BHMT: variants seen among roughly 807,000 people sequenced by gnomAD.
The protein encoded by BHMT is betaine--homocysteine S-methyltransferase.
BHMT carries 38 observed loss-of-function variants against 49.5 expected under a neutral mutation model. The ratio of observed to expected loss-of-function variants is 0.77; its 90% CI spans 0.59 to 1.01. The LOEUF is 1.01. BHMT is among the 50% of genes least tolerant of loss of function. The probability of loss-of-function intolerance (pLI) is 0.00; values close to 1 mark genes in which losing one functional copy is unlikely to be tolerated. For synonymous variants in BHMT, 166 were observed against 176.3 expected, an observed-to-expected ratio of 0.94 and a Z score of 0.46; for missense variants, 426 against 495.7, an observed-to-expected ratio of 0.86 and a Z score of 1.34.
intron 5 of BHMT, among the ~76,000 whole-genome samples, chr5:79,124,336 G>A (rs1756516240): frequency 6.6e-6 from 1 of 152,028 alleles, no homozygotes; most frequent in South Asian, 2.1e-4. Flanking sequence ...ATCGCTTGAG[G>A]CCAGAAGTTC....
Position 79,115,727 on chromosome 5 carries a change from A to C in BHMT, c.34-40A>C, listed in dbSNP as rs1263610093. 4 of 1,529,996 alleles carry C rather than the reference A, an allele frequency of 2.6e-6. No individual in the cohort carries two copies. In the African/African-American group the frequency reaches 5.6e-5, roughly 21 times the overall value. The allele number at this position is 1,529,996 out of a possible 1,614,324, so 94.8% of individuals were successfully genotyped here. A position where few individuals can be genotyped will look rare whatever the true frequency, so the allele number is the denominator to read the frequency against. ...ATAAAAATAGAAAATTATCTTAAAC[A>C]CTCAAGTAACTCCTTTTCCTCCCTC... On this transcript the variant is annotated intron_variant, in intron 1 of 7. Coordinates refer to ENST00000274353, the MANE Select transcript of BHMT (RefSeq NM_001713.3).
Position 79,131,035 on chromosome 5 carries a change from C to T in BHMT, c.1140C>T (p.Ala380=), listed in dbSNP as rs201314996. ...GCTGGGGAGTGACCAAAGGAACAGC[C>T]GAGCTGATGCAGCAGAAAGAAGCCA... ...PDGWGVTKGT[A]ELMQQKEATT... is the part of the protein sequence containing the mutation. The change falls in exon 8 of 8, where the codon GCC becomes GCT. Residue 380 remains alanine (A), a synonymous_variant. Coordinates refer to ENST00000274353, the MANE Select transcript of BHMT (RefSeq NM_001713.3). 1.6e-5 allele frequency: 26 copies of T among 1,613,674 alleles called. No individual in the cohort carries two copies. The highest frequency in any genetic ancestry group is 4.0e-5 in the African/African-American group (3 of 74,814).
At position 79,111,814 on chromosome 5, in the gene BHMT, G is replaced by A. The variant is rs375813959; in HGVS notation, c.-72G>A. 4.6e-4 allele frequency: 732 copies of A among 1,593,932 alleles called. No individual in the cohort carries two copies. Among genetic ancestry groups the A allele is most frequent in the Non-Finnish European group, 5.9e-4 (687 of 1,168,892 alleles). ...GCAGGCTGCGGACTCGGAGCAGCTCGGGGCTGCGCAGCGGGAAGGCTCGCC... is the reference window on the plus strand; with the variant it reads ...GCAGGCTGCGGACTCGGAGCAGCTCAGGGCTGCGCAGCGGGAAGGCTCGCC... On this transcript the variant is annotated 5_prime_UTR_variant, in exon 1 of 8. Coordinates refer to ENST00000274353, the MANE Select transcript of BHMT (RefSeq NM_001713.3).
At chr5:79,122,262 G>A (rs1756484425) in intron 5 of BHMT, among the ~76,000 whole-genome samples, 2 of 152,138 alleles carry the variant, frequency 1.3e-5, no homozygotes, top group African/African-American at 4.8e-5. Flanking sequence ...TCTTTACTGT[G>A]GAACTTATCA....
intron 5 of BHMT, among the ~76,000 whole-genome samples, chr5:79,125,317 G>A (rs754472976): frequency 2.0e-5 from 3 of 151,930 alleles, no homozygotes; most frequent in East Asian, 1.9e-4. Flanking sequence ...TTAGCCTGTC[G>A]TGGTGGTGTG....
rs115888473 is a variant in BHMT at position 79,114,992 on chromosome 5, G to A, written c.34-775G>A. Among the ~76,000 whole-genome samples the A allele has an allele frequency of 3.0e-3, 457 of 152,274 alleles. 1 individual carries two copies. Among genetic ancestry groups the A allele is most frequent in the African/African-American group, 0.011 (437 of 41,538 alleles). On this transcript the variant is annotated intron_variant, in intron 1 of 7. Transcript: ENST00000274353. ...TAAATGGAATAAGTATGGAGATTGG[G>A]CTGAAAAATCATTCAACAAATACTT...
chr5:79,115,242 A>G (rs1756368164), intron 1 of BHMT, among the ~76,000 whole-genome samples: 1 of 151,640 alleles, frequency 6.6e-6, no homozygotes. Flanking sequence ...GTGAGACTGG[A>G]GGATCTTCTG....
intron 4 of BHMT, 132 bp downstream of exon 4, chr5:79,120,673 G>A (rs1238769964): frequency 7.9e-6 from 7 of 889,898 alleles, no homozygotes; most frequent in African/African-American, 7.0e-5. Flanking sequence ...TTTTGAAATC[G>A]TTTTCCAATT....
chr5:79,120,267 A>G, intron 3 of BHMT, 83 bp from the exon 4 acceptor site: 1 of 1,282,666 alleles, frequency 7.8e-7, no homozygotes, highest in Admixed American at 2.8e-5. Flanking sequence ...GTAAATATAC[A>G]ACTAAGATGT....
At chr5:79,119,672 A>T (rs991848039) in intron 3 of BHMT, 4 of 242,546 alleles carry the variant, frequency 1.6e-5, no homozygotes, top group Admixed American at 1.5e-4. Flanking sequence ...TTTCGTCCTT[A>T]ATGTTTTTAA....
intron 5 of BHMT, among the ~76,000 whole-genome samples, chr5:79,123,594 C>T (rs934943428): frequency 6.6e-6 from 1 of 152,108 alleles, no homozygotes; most frequent in Non-Finnish European, 1.5e-5. Flanking sequence ...CTCTGTTGCC[C>T]AGGCTGGAGT....
At chr5:79,126,533 G>T (rs1481943941) in intron 6 of BHMT, among the ~76,000 whole-genome samples, 1 of 152,124 alleles carries the variant, frequency 6.6e-6, no homozygotes, top group Non-Finnish European at 1.5e-5. Context: ...CCCTTCATGG[G>T]AGAATCAACA....
intron 7 of BHMT, among the ~76,000 whole-genome samples, chr5:79,128,380 A>AAG (rs398109070): frequency 3.3e-5 from 5 of 150,994 alleles, no homozygotes; most frequent in Non-Finnish European, 5.9e-5. Context: ...AAAAAAAAAA[A>AAG]TTAGCTGGGC....
intron 7 of BHMT, among the ~76,000 whole-genome samples, chr5:79,130,695 ATTGT>A (rs1756622206): frequency 7.1e-6 from 1 of 140,742 alleles, no homozygotes; most frequent in South Asian, 2.3e-4. Flanking sequence ...TAAGCAAATG[ATTGT>A]TTATCAGTAG....
At chr5:79,125,542 C>A (rs954623295) in intron 5 of BHMT, among the ~76,000 whole-genome samples, 14 of 151,300 alleles carry the variant, frequency 9.3e-5, no homozygotes, top group Non-Finnish European at 1.8e-4. Flanking sequence ...AAAGCACTTT[C>A]ACAGAAAGCA....
intron 5 of BHMT, among the ~76,000 whole-genome samples, chr5:79,125,477 A>AAAG (rs1756539162): frequency 6.6e-6 from 1 of 150,986 alleles, no homozygotes; most frequent in African/African-American, 2.4e-5. Context: ...AAAAAAAAAA[A>AAAG]AGAGATGGAC....
rs770283837 is a variant in BHMT at position 79,131,156 on chromosome 5, G to C, written c.*40G>C. 6.4e-7 allele frequency: 1 copy of C among 1,571,278 alleles called. No individual in the cohort carries two copies. Among genetic ancestry groups the C allele is most frequent in the South Asian group, 1.2e-5 (1 of 84,494 alleles). On this transcript the variant is annotated 3_prime_UTR_variant, in exon 8 of 8. Transcript: ENST00000274353. The stretch of plus-strand genomic sequence containing the variant: ...ATTTTTGATGAATTTCTAGGTGTTT[G>C]GGTCACAGTTCCTACAAATACGGAA...
intron 3 of BHMT, 70 bp downstream of exon 3, chr5:79,119,447 G>C: frequency 7.9e-7 from 1 of 1,260,050 alleles, no homozygotes; most frequent in South Asian, 1.3e-5. Context: ...AGCTCCCATA[G>C]AGAAAAGGGT....
chr5:79,122,178 T>G (rs1756483467), intron 5 of BHMT, among the ~76,000 whole-genome samples: 1 of 152,090 alleles, frequency 6.6e-6, no homozygotes, highest in African/African-American at 2.4e-5. Flanking sequence ...CCTGACCTCG[T>G]GATCCACCCG....
Sources: allele counts gnomAD v4.1 joint callset (sites outside exome capture counted in the v4.1 genomes callset), GRCh38; gene constraint gnomAD v4.1.1; transcripts MANE v1.5; gene names NCBI Gene and HGNC (gene_info 2026-07-23, HGNC 2026-07-21).